SRPX: variants seen among roughly 807,000 people sequenced by gnomAD.
The protein encoded by SRPX is sushi repeat-containing protein SRPX.
A neutral mutation model predicts 38.1 loss-of-function variants in SRPX; 24 were observed. That is an observed-to-expected ratio of 0.63 (90% CI 0.46 to 0.89). The LOEUF is 0.89. Among genes scored for constraint, SRPX ranks in the 40% least tolerant of loss-of-function variants. SRPX has a pLI of 0.00. For synonymous variants in SRPX, 184 were observed against 153.8 expected, an observed-to-expected ratio of 1.20 and a Z score of -1.45; for missense variants, 416 against 377.8, an observed-to-expected ratio of 1.10 and a Z score of -0.84.
intron 1 of SRPX, among the ~76,000 whole-genome samples, chrX:38,180,935 T>C (rs1770636276): frequency 8.9e-6 from 1 of 112,233 alleles, no homozygotes. Context: ...AGAACAACAA[T>C]ATGGATGAAT....
At chrX:38,166,577 T>A (rs1938367918) in intron 4 of SRPX, among the ~76,000 whole-genome samples, 1 of 112,431 alleles carries the variant, frequency 8.9e-6, no homozygotes, top group South Asian at 3.7e-4. Flanking sequence ...GTTACGTTTT[T>A]AAAAACATTT....
intron 1 of SRPX, among the ~76,000 whole-genome samples, chrX:38,199,192 G>C (rs1048381215): frequency 2.7e-5 from 3 of 111,509 alleles, no homozygotes; most frequent in Non-Finnish European, 5.7e-5. Flanking sequence ...GGATCACGAG[G>C]TCAGGAGATC....
Position 38,210,847 on chromosome X carries a change from C to T in SRPX, c.97+9849G>A, listed in dbSNP as rs1425026780. On this transcript the variant is annotated intron_variant, in intron 1 of 9. Transcript: ENST00000378533. ...AGCCTCGTGGTGGGGAAGAAGTAGC[C>T]CCAAACACCCAGGAATCTTGTTAAA... 3.6e-5 allele frequency among the ~76,000 whole-genome samples: 4 copies of T among 111,635 alleles called. No individual in the cohort carries two copies. In the East Asian group the frequency reaches 1.1e-3, roughly 31 times the overall value.
At chrX:38,212,846 G>T (rs1378833554) in intron 1 of SRPX, among the ~76,000 whole-genome samples, 1 of 103,337 alleles carries the variant, frequency 9.7e-6, no homozygotes, top group Non-Finnish European at 1.9e-5. Flanking sequence ...TGAATCCTTG[G>T]ACTCAAGGCC....
At chrX:38,150,581 A>C (rs1337743575) in intron 9 of SRPX, among the ~76,000 whole-genome samples, 1 of 112,253 alleles carries the variant, frequency 8.9e-6, no homozygotes, top group East Asian at 2.8e-4. Flanking sequence ...CCCACATAGC[A>C]ATAGTGCCAA....
chrX:38,164,485 A>T (rs947098675), intron 5 of SRPX, among the ~76,000 whole-genome samples: 3 of 112,288 alleles, frequency 2.7e-5, no homozygotes, highest in Admixed American at 9.4e-5. Context: ...TAATCACATC[A>T]TTCACCACCC....
At position 38,216,187 on chromosome X, in the gene SRPX, C is replaced by T. The variant is rs758452122; in HGVS notation, c.97+4509G>A. ...ACCAGCAAGTCTCAGCATCATTCTT[C>T]AATAACCAATTCCAGTGTTCCCACA... On this transcript the variant is annotated intron_variant, in intron 1 of 9. Transcript: ENST00000378533. 7.1e-5 allele frequency among the ~76,000 whole-genome samples: 8 copies of T among 112,076 alleles called. 1 individual carries two copies. The South Asian group carries it at 3.0e-3, about 42-fold the overall frequency.
At chrX:38,180,873 C>T (rs956301106) in intron 1 of SRPX, among the ~76,000 whole-genome samples, 1 of 111,692 alleles carries the variant, frequency 9.0e-6, no homozygotes, top group Admixed American at 9.5e-5. Context: ...AGCATAACCC[C>T]CAAAATGCAA....
rs1324852781 is a variant in SRPX, at chrX:38,159,895, TC to T, written c.955+121del. ...GGATCTAGGGACTATGTTCATCCACTCAGATAAAGAGGGATGGCCATGAACT... is the reference window on the plus strand; with the variant it reads ...GGATCTAGGGACTATGTTCATCCACTAGATAAAGAGGGATGGCCATGAACT... On this transcript the variant is annotated intron_variant, in intron 7 of 9. Coordinates refer to ENST00000378533, the MANE Select transcript of SRPX (RefSeq NM_006307.5). 3.5e-5 allele frequency: 27 copies of T among 778,162 alleles called. No homozygotes were observed. The Admixed American group carries it at 9.8e-4, about 28-fold the overall frequency. The allele number at this position is 778,162 out of a possible 1,213,427, so 64.1% of individuals were successfully genotyped here.
intron 3 of SRPX, among the ~76,000 whole-genome samples, chrX:38,173,090 G>A (rs994145327): frequency 7.1e-5 from 8 of 112,407 alleles, no homozygotes; most frequent in African/African-American, 1.9e-4. Flanking sequence ...GCATAGTCTC[G>A]ATGACATGGC....
At chrX:38,211,954 T>C (rs917848510) in intron 1 of SRPX, among the ~76,000 whole-genome samples, 1 of 111,704 alleles carries the variant, frequency 9.0e-6, no homozygotes. Context: ...CATTGATTTC[T>C]GGTATGAAGA....
intron 4 of SRPX, among the ~76,000 whole-genome samples, chrX:38,168,843 G>T (rs923594253): frequency 8.9e-6 from 1 of 111,979 alleles, no homozygotes; most frequent in African/African-American, 3.2e-5. Context: ...GGGAGGCAAT[G>T]AAATCCACAT....
At chrX:38,172,450 TATAA>T (rs768650543) in intron 3 of SRPX, among the ~76,000 whole-genome samples, 425 of 113,012 alleles carry the variant, frequency 3.8e-3, no homozygotes, top group Non-Finnish European at 5.5e-3. Flanking sequence ...CACGACTTTG[TATAA>T]ATAAATAAAA....
chrX:38,176,407 A>G (rs1309641232), intron 2 of SRPX, among the ~76,000 whole-genome samples: 1 of 112,251 alleles, frequency 8.9e-6, no homozygotes, highest in Non-Finnish European at 1.9e-5. Flanking sequence ...CTTTAATTCA[A>G]AAACACTTAC....
intron 3 of SRPX, among the ~76,000 whole-genome samples, chrX:38,172,765 C>T (rs1426292940): frequency 1.8e-5 from 2 of 113,035 alleles, no homozygotes; most frequent in Non-Finnish European, 1.9e-5. Flanking sequence ...TGAATGACAG[C>T]TCATTCTGTC....
intron 1 of SRPX, among the ~76,000 whole-genome samples, chrX:38,197,517 T>A (rs1170135577): frequency 8.9e-6 from 1 of 111,926 alleles, no homozygotes; most frequent in Non-Finnish European, 1.9e-5. Flanking sequence ...ATACAATGCA[T>A]AATGATTAAA....
chrX:38,219,240 C>T (rs1939469881), intron 1 of SRPX, among the ~76,000 whole-genome samples: 1 of 110,435 alleles, frequency 9.1e-6, no homozygotes, highest in African/African-American at 3.3e-5. Context: ...GGGTCCCCAG[C>T]TTGAGAAAGG....
At chrX:38,169,703 G>A (rs1272500101) in intron 4 of SRPX, among the ~76,000 whole-genome samples, 4 of 111,429 alleles carry the variant, frequency 3.6e-5, no homozygotes, top group Admixed American at 9.6e-5. Flanking sequence ...TTCATTGTCC[G>A]TGGTTTTTAA....
At chrX:38,202,283 G>A (rs1180078551) in intron 1 of SRPX, among the ~76,000 whole-genome samples, 1 of 111,083 alleles carries the variant, frequency 9.0e-6, no homozygotes, top group African/African-American at 3.3e-5. Flanking sequence ...TTTAATCTTG[G>A]TTTTTTCAGG....
Sources: gnomAD v4.1 joint callset for allele counts (sites outside exome capture counted in the v4.1 genomes callset) on GRCh38, gnomAD v4.1.1 for gene constraint, MANE v1.5 for transcripts, NCBI Gene and HGNC (gene_info 2026-07-23, HGNC 2026-07-21) for gene names.